Variants in SH3BGRL observed in about 807,000 individuals in gnomAD.
SH3BGRL encodes the protein SH3 domain binding glutamate rich protein like, also known as adapter SH3BGRL.
SH3BGRL carries 7 observed loss-of-function variants against 9.8 expected under a neutral mutation model. The ratio of observed to expected loss-of-function variants is 0.72; its 90% CI spans 0.41 to 1.35. The LOEUF is 1.35. Among genes scored for constraint, SH3BGRL ranks in the 40% most tolerant of loss-of-function variants. The probability of loss-of-function intolerance (pLI) is 0.01; values close to 1 mark genes in which losing one functional copy is unlikely to be tolerated. For synonymous variants in SH3BGRL, 36 were observed against 29.1 expected, an observed-to-expected ratio of 1.24 and a Z score of -0.76; for missense variants, 73 against 84.4, an observed-to-expected ratio of 0.86 and a Z score of 0.53.
At chrX:81,232,387 A>C (rs1219327439) in intron 1 of SH3BGRL, among the ~76,000 whole-genome samples, 2 of 107,314 alleles carry the variant, frequency 1.9e-5, no homozygotes, top group African/African-American at 7.0e-5. Flanking sequence ...AATAAATAGT[A>C]GTGAATTAGT....
Position 81,226,979 on chromosome X carries a change from T to A in SH3BGRL, c.45+24734T>A, listed in dbSNP as rs148449248. Among the ~76,000 whole-genome samples the A allele has an allele frequency of 2.4e-3, 264 of 111,819 alleles. 1 individual carries two copies. Among genetic ancestry groups the A allele is most frequent in the African/African-American group, 8.1e-3 (250 of 30,852 alleles). ...AATGACAATAGGAAACTTAATAGAG[T>A]TGTTGGCTATGCCATTGTTAAGTCA... On this transcript the variant is annotated intron_variant, in intron 1 of 3. Coordinates refer to ENST00000373212, the MANE Select transcript of SH3BGRL (RefSeq NM_003022.3).
rs34834268 is a variant in SH3BGRL, at chrX:81,205,504, GTATATATATATATA to G, written c.45+3273_45+3286del. 4.7e-5 allele frequency among the ~76,000 whole-genome samples: 4 copies of G among 85,151 alleles called. No homozygotes were observed. In the South Asian group the frequency reaches 2.3e-3, roughly 49 times the overall value. 73.9% of individuals were successfully genotyped at this position (85,151 alleles called of 115,157 possible). A position where few individuals can be genotyped will look rare whatever the true frequency, so the allele number is the denominator to read the frequency against. On this transcript the variant is annotated intron_variant, in intron 1 of 3. Coordinates refer to ENST00000373212, the MANE Select transcript of SH3BGRL (RefSeq NM_003022.3). The stretch of plus-strand genomic sequence containing the variant: ...TATATATATGTGTGTGTGTGTGTGT[GTATATATATATATA>G]TATATATATATATCACATTTCCTTT...
intron 3 of SH3BGRL, among the ~76,000 whole-genome samples, chrX:81,281,186 C>G (rs2075815676): frequency 9.1e-6 from 1 of 110,493 alleles, no homozygotes; most frequent in South Asian, 3.9e-4. Flanking sequence ...GTTAAACGAC[C>G]AAACCTAAGA....
chrX:81,265,622 G>T (rs1385906281), intron 1 of SH3BGRL, among the ~76,000 whole-genome samples: 1 of 111,811 alleles, frequency 8.9e-6, no homozygotes, highest in Admixed American at 9.5e-5. Flanking sequence ...ATGGACATTT[G>T]GTTGGTTCCA....
chrX:81,236,882 GGAGAGAGAGAGGCTGAGGGAGAGAGA>G (rs1183772881), intron 1 of SH3BGRL, among the ~76,000 whole-genome samples: 201 of 100,767 alleles, frequency 2.0e-3, no homozygotes, highest in African/African-American at 6.6e-3. Context: ...AAGGACGGAG[GGAGAGAGAGAGGCTGAGGGAGAGAGA>G]GAGAGAGAGA....
At chrX:81,229,231 G>C (rs1157956660) in intron 1 of SH3BGRL, among the ~76,000 whole-genome samples, 1 of 110,974 alleles carries the variant, frequency 9.0e-6, no homozygotes, top group Non-Finnish European at 1.9e-5. Flanking sequence ...CAAACCTCTG[G>C]GGGGAGCATG....
chrX:81,205,502 GTGTATATATATA>G (rs1307862654), intron 1 of SH3BGRL, among the ~76,000 whole-genome samples: 87 of 88,954 alleles, frequency 9.8e-4, no homozygotes, highest in African/African-American at 3.7e-3. Flanking sequence ...GTGTGTGTGT[GTGTATATATATA>G]TATATATATA....
At position 81,202,141 on chromosome X, in the gene SH3BGRL, T is replaced by G; in HGVS notation, c.-60T>G. ...CAGCCCCTAGCTGGATTCCAGCCAT[T>G]GCTGCAGCTGCTCCACAGCCCTTTT... On this transcript the variant is annotated 5_prime_UTR_variant, in exon 1 of 4. In the 5' UTR this introduces an upstream ATG that the reference lacks. Transcript: ENST00000373212. 1 of 1,116,314 alleles carries G rather than the reference T, an allele frequency of 9.0e-7. No homozygotes were observed. Among genetic ancestry groups the G allele is most frequent in the Non-Finnish European group, 1.2e-6 (1 of 813,448 alleles). The allele number at this position is 1,116,314 out of a possible 1,213,427, so 92.0% of individuals were successfully genotyped here. A position where few individuals can be genotyped will look rare whatever the true frequency, so the allele number is the denominator to read the frequency against.
chrX:81,213,664 C>T (rs1453612475), intron 1 of SH3BGRL, among the ~76,000 whole-genome samples: 1 of 111,684 alleles, frequency 9.0e-6, no homozygotes, highest in Non-Finnish European at 1.9e-5. Context: ...CTTTGTAGAA[C>T]TCTACTGTAG....
intron 1 of SH3BGRL, among the ~76,000 whole-genome samples, chrX:81,211,312 C>T (rs893808847): frequency 2.7e-5 from 3 of 111,603 alleles, no homozygotes; most frequent in South Asian, 7.5e-4. Context: ...AGGCCGGGCG[C>T]GGTGGCTCAC....
At chrX:81,211,306 C>T (rs904875438) in intron 1 of SH3BGRL, among the ~76,000 whole-genome samples, 18 of 111,742 alleles carry the variant, frequency 1.6e-4, no homozygotes, top group Non-Finnish European at 3.2e-4. Flanking sequence ...CATTTGAGGC[C>T]GGGCGCGGTG....
intron 1 of SH3BGRL, among the ~76,000 whole-genome samples, chrX:81,270,656 T>C (rs527985077): frequency 3.6e-5 from 4 of 111,669 alleles, no homozygotes; most frequent in Admixed American, 1.9e-4. Context: ...TACTGGGAGG[T>C]GTCTCCCAGT....
chrX:81,224,365 C>G (rs1055585538), intron 1 of SH3BGRL, among the ~76,000 whole-genome samples: 59 of 111,189 alleles, frequency 5.3e-4, no homozygotes, highest in African/African-American at 1.7e-3. Context: ...CCAGTCACCA[C>G]GTAAGAAAGA....
intron 1 of SH3BGRL, among the ~76,000 whole-genome samples, chrX:81,234,354 AGTT>A (rs987199199): frequency 8.9e-6 from 1 of 112,237 alleles, no homozygotes; most frequent in African/African-American, 3.2e-5. Flanking sequence ...TTTTCTTTTT[AGTT>A]GTCTTTCATG....
chrX:81,294,075 G>A (rs1380303251), intron 3 of SH3BGRL, among the ~76,000 whole-genome samples: 1 of 111,824 alleles, frequency 8.9e-6, no homozygotes, highest in African/African-American at 3.2e-5. Context: ...CTTTCATAAG[G>A]AAAGCAGAGC....
chrX:81,286,678 A>T (rs2075835613), intron 3 of SH3BGRL, among the ~76,000 whole-genome samples: 1 of 110,528 alleles, frequency 9.0e-6, no homozygotes, highest in Non-Finnish European at 1.9e-5. Context: ...GTAATTTATC[A>T]AAGGGTATAT....
intron 1 of SH3BGRL, among the ~76,000 whole-genome samples, chrX:81,203,363 A>G (rs1318338315): frequency 9.0e-6 from 1 of 111,627 alleles, no homozygotes; most frequent in East Asian, 2.8e-4. Context: ...AATCACAAGA[A>G]CCTTGATATT....
At chrX:81,241,287 AC>A (rs1042547355) in intron 1 of SH3BGRL, among the ~76,000 whole-genome samples, 1 of 112,214 alleles carries the variant, frequency 8.9e-6, no homozygotes, top group African/African-American at 3.2e-5. Context: ...ACCCCTTGGC[AC>A]AAACAGCCTG....
At chrX:81,204,198 GTAAT>G (rs776855726) in intron 1 of SH3BGRL, among the ~76,000 whole-genome samples, 1 of 112,000 alleles carries the variant, frequency 8.9e-6, no homozygotes, top group African/African-American at 3.2e-5. Flanking sequence ...ATCTACTGTA[GTAAT>G]TATAGTTCAA....
Sources: allele counts gnomAD v4.1 joint callset (sites outside exome capture counted in the v4.1 genomes callset), GRCh38; gene constraint gnomAD v4.1.1; transcripts MANE v1.5; gene names NCBI Gene and HGNC (gene_info 2026-07-23, HGNC 2026-07-21).